Variants in WWOX observed in about 807,000 individuals in gnomAD.
WWOX encodes WW domain-containing oxidoreductase.
In WWOX, 69 loss-of-function variants were observed where a neutral mutation model predicts 46.2. The observed-to-expected ratio is 1.49, with a 90% CI of 1.23 to 1.82. The LOEUF (loss-of-function observed/expected upper bound fraction) is 1.82. WWOX is among the 40% of genes most tolerant of loss of function. WWOX has a pLI of 0.00. For synonymous variants in WWOX, 359 were observed against 202.6 expected (o/e 1.77, Z -6.56); for missense variants, 919 against 542.6 (o/e 1.69, Z -6.89).
At chr16:78,845,672 T>C (rs1395476364) in intron 8 of WWOX, among the ~76,000 whole-genome samples, 1 of 152,184 alleles carries the variant, frequency 6.6e-6, no homozygotes, top group East Asian at 1.9e-4. Context: ...AAGTAAGTAA[T>C]GGACAAGGTA....
intron 8 of WWOX, among the ~76,000 whole-genome samples, chr16:78,805,324 G>C (rs1055215390): frequency 4.6e-5 from 7 of 152,162 alleles, no homozygotes; most frequent in African/African-American, 1.7e-4. Flanking sequence ...GCCATCTCAG[G>C]ATCTCGGCTC....
At chr16:78,465,108 G>A (rs975381619) in intron 8 of WWOX, among the ~76,000 whole-genome samples, 6 of 152,166 alleles carry the variant, frequency 3.9e-5, no homozygotes, top group African/African-American at 1.4e-4. Context: ...CAGATCCCAT[G>A]GCTTTGACTC....
rs1229881027 is a variant in WWOX, at chr16:78,336,525, AG to A, written c.517-50334del. 1.1e-4 allele frequency among the ~76,000 whole-genome samples: 17 copies of A among 147,906 alleles called. No individual in the cohort carries two copies. In the East Asian group the frequency reaches 3.2e-3, roughly 28 times the overall value. Reference sequence around the variant, plus strand: ...TGTCTCAAAAAAAAAAAAAAAAAAAAGCCTACAGTTGACAGGCAGATAACAG... The same window carrying A: ...TGTCTCAAAAAAAAAAAAAAAAAAAACCTACAGTTGACAGGCAGATAACAG... On this transcript the variant is annotated intron_variant, in intron 5 of 8. Coordinates refer to ENST00000566780, the MANE Select transcript of WWOX (RefSeq NM_016373.4).
At chr16:78,452,034 C>T (rs2083702151) in intron 8 of WWOX, among the ~76,000 whole-genome samples, 1 of 152,274 alleles carries the variant, frequency 6.6e-6, no homozygotes, top group Middle Eastern at 3.4e-3. Flanking sequence ...ACATTATATT[C>T]ACCTTGTTCT....
chr16:78,294,407 C>G (rs938991564), intron 5 of WWOX, among the ~76,000 whole-genome samples: 3 of 142,096 alleles, frequency 2.1e-5, no homozygotes, highest in Admixed American at 2.1e-4. Flanking sequence ...AACCCACCAA[C>G]ACCTCCTCTT....
chr16:78,994,257 T>C (rs895232827), intron 8 of WWOX: 11 of 152,126 alleles, frequency 7.2e-5, no homozygotes, highest in African/African-American at 2.2e-4. Context: ...AAGGGTGGCA[T>C]TGGAGTACCA....
At chr16:78,354,624 T>C (rs2081248422) in intron 5 of WWOX, among the ~76,000 whole-genome samples, 1 of 152,212 alleles carries the variant, frequency 6.6e-6, no homozygotes, top group African/African-American at 2.4e-5. Flanking sequence ...TTAAGCTTTC[T>C]GAATTCCTTA....
At chr16:78,164,414 C>T (rs2034905808) in intron 5 of WWOX, 125 bp downstream of exon 5, 12 of 857,230 alleles carry the variant, frequency 1.4e-5, no homozygotes, top group African/African-American at 1.7e-5. Context: ...TTTTTAAAGT[C>T]ATCTTCACTT....
At chr16:78,606,422 C>T in intron 8 of WWOX, among the ~76,000 whole-genome samples, 1 of 151,764 alleles carries the variant, frequency 6.6e-6, no homozygotes, top group East Asian at 1.9e-4. Context: ...GGGCTACATG[C>T]TTTTCAGAAG....
chr16:78,185,755 C>T (rs567066503), intron 5 of WWOX, among the ~76,000 whole-genome samples: 1 of 152,342 alleles, frequency 6.6e-6, no homozygotes, highest in Admixed American at 6.5e-5. Flanking sequence ...CAGTCTCCAT[C>T]TCCCAGGTTC....
intron 8 of WWOX, among the ~76,000 whole-genome samples, chr16:78,775,862 G>A (rs1417795739): frequency 6.6e-6 from 1 of 152,132 alleles, no homozygotes; most frequent in African/African-American, 2.4e-5. Context: ...CTGTCTTATT[G>A]GATGTTGGTA....
chr16:78,205,147 G>A (rs1352991206), intron 5 of WWOX, among the ~76,000 whole-genome samples: 1 of 152,132 alleles, frequency 6.6e-6, no homozygotes, highest in African/African-American at 2.4e-5. Context: ...TGGACAGGAT[G>A]ACATGACAAT....
intron 8 of WWOX, among the ~76,000 whole-genome samples, chr16:79,178,551 A>G (rs2050847864): frequency 6.6e-6 from 1 of 152,136 alleles, no homozygotes; most frequent in Non-Finnish European, 1.5e-5. Context: ...TCCTGAGCTC[A>G]AGTGATCCTC....
chr16:78,441,471 A>G (rs2083442744), intron 8 of WWOX, among the ~76,000 whole-genome samples: 1 of 152,208 alleles, frequency 6.6e-6, no homozygotes, highest in Admixed American at 6.5e-5. Flanking sequence ...AGACCTGCTG[A>G]GAGTCACACA....
intron 8 of WWOX, among the ~76,000 whole-genome samples, chr16:78,844,216 T>C (rs1042524332): frequency 5.3e-5 from 8 of 152,172 alleles, no homozygotes; most frequent in Non-Finnish European, 1.0e-4. Flanking sequence ...AACCAGAGTT[T>C]AGTTGTGCTA....
At chr16:78,675,372 TAAATA>T (rs1028000388) in intron 8 of WWOX, among the ~76,000 whole-genome samples, 4 of 152,194 alleles carry the variant, frequency 2.6e-5, no homozygotes, top group Non-Finnish European at 2.9e-5. Flanking sequence ...TCTACATAAA[TAAATA>T]ATATTTACAG....
chr16:78,115,755 G>A (rs1335289895), intron 4 of WWOX, among the ~76,000 whole-genome samples: 6 of 152,106 alleles, frequency 3.9e-5, no homozygotes, highest in Non-Finnish European at 8.8e-5. Context: ...GGAGCAAGGC[G>A]GGAGCAAACC....
intron 8 of WWOX, among the ~76,000 whole-genome samples, chr16:78,835,559 C>T (rs1192086096): frequency 6.6e-6 from 1 of 152,146 alleles, no homozygotes; most frequent in Non-Finnish European, 1.5e-5. Flanking sequence ...CACAGTTGTT[C>T]ACACACATAT....
chr16:78,528,875 C>T (rs1051631994), intron 8 of WWOX, among the ~76,000 whole-genome samples: 5 of 152,038 alleles, frequency 3.3e-5, no homozygotes, highest in African/African-American at 1.2e-4. Flanking sequence ...CCAGCTTACT[C>T]ACATCATAGA....
Sources: gnomAD v4.1 joint callset for allele counts (sites outside exome capture counted in the v4.1 genomes callset) on GRCh38, gnomAD v4.1.1 for gene constraint, MANE v1.5 for transcripts, NCBI Gene and HGNC (gene_info 2026-07-23, HGNC 2026-07-21) for gene names.